The following WWOX variants were observed in gnomAD, a reference collection of about 807,000 sequenced individuals.
WWOX encodes WW domain containing oxidoreductase, also known as WW domain-containing oxidoreductase.
WWOX carries 69 observed loss-of-function variants against 46.2 expected under a neutral mutation model. The observed-to-expected ratio is 1.49, with a 90% CI of 1.23 to 1.82. The LOEUF (loss-of-function observed/expected upper bound fraction) is 1.82. WWOX is among the 40% of genes most tolerant of loss of function. The pLI is 0.00. For missense variants in WWOX, 919 were observed against 542.6 expected (o/e 1.69, Z -6.89); for synonymous variants, 359 against 202.6 (o/e 1.77, Z -6.56).
intron 5 of WWOX, among the ~76,000 whole-genome samples, chr16:78,191,052 A>G (rs556673712): frequency 3.3e-5 from 5 of 152,188 alleles, no homozygotes; most frequent in Non-Finnish European, 7.4e-5. Flanking sequence ...TTGTTAAGAG[A>G]AAATCTACTT....
chr16:78,861,672 C>A (rs549199103), intron 8 of WWOX, among the ~76,000 whole-genome samples: 18 of 152,324 alleles, frequency 1.2e-4, no homozygotes, highest in South Asian at 8.3e-4. Context: ...TTTTTCCAAT[C>A]ATTCTCTAAA....
At chr16:78,195,837 A>G (rs1031013955) in intron 5 of WWOX, among the ~76,000 whole-genome samples, 4 of 150,540 alleles carry the variant, frequency 2.7e-5, no homozygotes, top group South Asian at 2.1e-4. Flanking sequence ...AAAAAAAAAA[A>G]AAAGAAAAAA....
chr16:78,320,371 G>T (rs1056266835), intron 5 of WWOX, among the ~76,000 whole-genome samples: 2 of 152,186 alleles, frequency 1.3e-5, no homozygotes, highest in African/African-American at 4.8e-5. Flanking sequence ...TCTGGGGGTA[G>T]TTAGACTTCT....
At chr16:78,918,430 A>T in intron 8 of WWOX, among the ~76,000 whole-genome samples, 1 of 148,568 alleles carries the variant, frequency 6.7e-6, no homozygotes, top group South Asian at 2.2e-4. Flanking sequence ...CTATCCCTTT[A>T]TTTTCTGGCA....
intron 8 of WWOX, among the ~76,000 whole-genome samples, chr16:78,783,361 C>T (rs780707349): frequency 4.6e-5 from 7 of 152,216 alleles, no homozygotes; most frequent in African/African-American, 7.2e-5. Flanking sequence ...AGAGGGCCTA[C>T]AGGGCCAGGC....
At chr16:78,400,735 T>G (rs1007655255) in intron 6 of WWOX, among the ~76,000 whole-genome samples, 1 of 152,156 alleles carries the variant, frequency 6.6e-6, no homozygotes, top group Non-Finnish European at 1.5e-5. Flanking sequence ...GGCATTTGAT[T>G]TTAAAGCAAA....
intron 8 of WWOX, among the ~76,000 whole-genome samples, chr16:79,069,282 C>T (rs2048503684): frequency 6.6e-6 from 1 of 152,210 alleles, no homozygotes; most frequent in South Asian, 2.1e-4. Context: ...TTCTCTTACG[C>T]ACTCAGCGAA....
intron 8 of WWOX, chr16:79,017,073 T>G (rs1049972157): frequency 6.6e-6 from 1 of 152,088 alleles, no homozygotes; most frequent in African/African-American, 2.4e-5. Context: ...GTCGGGTATA[T>G]TATGTCCCTC....
At chr16:78,298,525 C>T (rs1166297428) in intron 5 of WWOX, among the ~76,000 whole-genome samples, 3 of 152,132 alleles carry the variant, frequency 2.0e-5, no homozygotes, top group Non-Finnish European at 4.4e-5. Flanking sequence ...GGTGCAGTGG[C>T]TCACACCTGT....
chr16:78,957,363 A>C (rs2151308158), intron 8 of WWOX, among the ~76,000 whole-genome samples: 1 of 152,332 alleles, frequency 6.6e-6, no homozygotes, highest in African/African-American at 2.4e-5. Context: ...GCTTGAGCTG[A>C]ATTGTTCTTT....
At position 78,424,942 on chromosome 16, in the gene WWOX, G is replaced by C. The variant is rs750905852; in HGVS notation, c.678G>C (p.Glu226Asp). The change falls in exon 7 of 9, where the codon GAG becomes GAC. Residue 226 changes from glutamate to aspartate, a missense_variant. By Grantham distance (45) the Glu-to-Asp change is conservative. Transcript: ENST00000566780. ...LPWSLTKDGL[E>D]TTFQVNHLGH... Reference sequence around the variant, plus strand: ...GGAGTCTCACCAAAGATGGCCTGGAGACCACCTTTCAAGTGAATCATCTGG... The same window carrying C: ...GGAGTCTCACCAAAGATGGCCTGGACACCACCTTTCAAGTGAATCATCTGG... 1 of 1,614,022 alleles carries C rather than the reference G, an allele frequency of 6.2e-7. No individual in the cohort carries two copies. Among genetic ancestry groups the C allele is most frequent in the African/African-American group, 1.3e-5 (1 of 74,920 alleles).
intron 8 of WWOX, among the ~76,000 whole-genome samples, chr16:78,684,155 A>C (rs976740269): frequency 6.6e-6 from 1 of 152,068 alleles, no homozygotes; most frequent in Non-Finnish European, 1.5e-5. Context: ...ACAGGCTTAG[A>C]GTTGGTTTCC....
At chr16:78,911,995 C>G (rs953932365) in intron 8 of WWOX, among the ~76,000 whole-genome samples, 22 of 151,986 alleles carry the variant, frequency 1.4e-4, no homozygotes, top group African/African-American at 5.1e-4. Flanking sequence ...TGAACCTTAC[C>G]CAGAAAAATA....
intron 5 of WWOX, among the ~76,000 whole-genome samples, chr16:78,310,376 A>C (rs948271470): frequency 6.6e-6 from 1 of 152,150 alleles, no homozygotes; most frequent in Non-Finnish European, 1.5e-5. Context: ...ATGTTTGTTG[A>C]CTGAATGAAT....
chr16:79,152,618 C>T (rs1229233502), intron 8 of WWOX, among the ~76,000 whole-genome samples: 1 of 151,680 alleles, frequency 6.6e-6, no homozygotes, highest in African/African-American at 2.4e-5. Context: ...TTGCAGTGAG[C>T]CGAGATCACG....
chr16:78,918,180 A>G (rs1210201287), intron 8 of WWOX, among the ~76,000 whole-genome samples: 1 of 152,194 alleles, frequency 6.6e-6, no homozygotes, highest in African/African-American at 2.4e-5. Flanking sequence ...CTGTGATTGC[A>G]CCAGCCTGGG....
chr16:78,332,171 C>T (rs1179111377), intron 5 of WWOX, among the ~76,000 whole-genome samples: 3 of 152,186 alleles, frequency 2.0e-5, no homozygotes, highest in South Asian at 2.1e-4. Flanking sequence ...TATGTCTTTC[C>T]CCACCCCAAG....
intron 8 of WWOX, among the ~76,000 whole-genome samples, chr16:78,986,966 G>A (rs567904720): frequency 1.6e-4 from 25 of 152,146 alleles, no homozygotes; most frequent in African/African-American, 6.0e-4. Context: ...CAAGAGCATG[G>A]TCAGGAGGTA....
intron 6 of WWOX, among the ~76,000 whole-genome samples, chr16:78,401,713 T>G (rs970453940): frequency 6.6e-6 from 1 of 152,190 alleles, no homozygotes. Flanking sequence ...TTTTTTCTTT[T>G]TTTTGAGACG....
Sources: gnomAD v4.1 joint callset for allele counts (sites outside exome capture counted in the v4.1 genomes callset) on GRCh38, gnomAD v4.1.1 for gene constraint, MANE v1.5 for transcripts, NCBI Gene and HGNC (gene_info 2026-07-23, HGNC 2026-07-21) for gene names.